Variants in OPCML observed in about 807,000 individuals in gnomAD.
The protein encoded by OPCML is opioid binding protein/cell adhesion molecule like.
In OPCML, 13 loss-of-function variants were observed where a neutral mutation model predicts 37.8. The ratio of observed to expected loss-of-function variants is 0.34; its 90% CI spans 0.22 to 0.55. The LOEUF (loss-of-function observed/expected upper bound fraction) is 0.55. OPCML is among the 20% of genes least tolerant of loss of function. The pLI is 0.91. For synonymous variants in OPCML, 176 were observed against 168.8 expected (o/e 1.04, Z -0.33); for missense variants, 341 against 435.6 (o/e 0.78, Z 1.93).
rs369363447 is a variant in OPCML, at chr11:132,701,903, C to T, written c.147-44584G>A. 5.5e-4 allele frequency among the ~76,000 whole-genome samples: 84 copies of T among 151,918 alleles called. 1 individual carries two copies. Among genetic ancestry groups the T allele is most frequent in the African/African-American group, 1.9e-3 (78 of 41,430 alleles). On this transcript the variant is annotated intron_variant, in intron 2 of 7. Coordinates refer to ENST00000524381, the MANE Select transcript of OPCML (RefSeq NM_001012393.5). ...ACATCAAAACATCTTGTAGTTATAA[C>T]CGTCTACTTTAAGCTGATAAATCTT...
At chr11:133,072,457 A>G (rs1437902486) in intron 1 of OPCML, among the ~76,000 whole-genome samples, 1 of 152,254 alleles carries the variant, frequency 6.6e-6, no homozygotes. Flanking sequence ...TAGAAAATCT[A>G]GATATGGTTA....
intron 1 of OPCML, among the ~76,000 whole-genome samples, chr11:133,377,612 G>GAACAAAAAAAAAA (rs1944837069): frequency 1.3e-5 from 1 of 79,088 alleles, no homozygotes; most frequent in Non-Finnish European, 2.3e-5. Flanking sequence ...CCAGTATTCA[G>GAACAAAAAAAAAA]AAAAAAAAAA....
chr11:133,037,185 A>C (rs1947798338), intron 1 of OPCML, among the ~76,000 whole-genome samples: 1 of 152,168 alleles, frequency 6.6e-6, no homozygotes, highest in Non-Finnish European at 1.5e-5. Context: ...AAAAGACAAG[A>C]CTTATTTGGG....
At position 132,420,056 on chromosome 11, in the gene OPCML, A is replaced by G. The variant is rs1035062082; in HGVS notation, c.*137T>C. 7.1e-6 allele frequency: 5 copies of G among 702,762 alleles called. No individual in the cohort carries two copies. The highest frequency in any genetic ancestry group is 3.0e-5 in the Admixed American group (1 of 33,124). The allele number at this position is 702,762 out of a possible 1,614,324, so 43.5% of individuals were successfully genotyped here. A position where few individuals can be genotyped will look rare whatever the true frequency, so the allele number is the denominator to read the frequency against. On this transcript the variant is annotated 3_prime_UTR_variant, in exon 8 of 8. Coordinates refer to ENST00000524381, the MANE Select transcript of OPCML (RefSeq NM_001012393.5). ...GAAATAAAAGCAAACAAACAAATAAACAAAAACAAAAAGAAAACAAATCTA... is the reference window on the plus strand; with the variant it reads ...GAAATAAAAGCAAACAAACAAATAAGCAAAAACAAAAAGAAAACAAATCTA...
intron 1 of OPCML, among the ~76,000 whole-genome samples, chr11:132,950,507 G>T (rs1217572335): frequency 6.6e-6 from 1 of 152,206 alleles, no homozygotes; most frequent in Non-Finnish European, 1.5e-5. Flanking sequence ...ATTAAGTTGT[G>T]AAGCTATCAC....
At chr11:133,038,252 A>G (rs988763302) in intron 1 of OPCML, among the ~76,000 whole-genome samples, 53 of 152,294 alleles carry the variant, frequency 3.5e-4, no homozygotes, top group African/African-American at 1.3e-3. Flanking sequence ...TTTGGTCCCA[A>G]TCAGCTCCTG....
At chr11:132,816,052 G>A (rs937288063) in intron 2 of OPCML, among the ~76,000 whole-genome samples, 24 of 152,184 alleles carry the variant, frequency 1.6e-4, no homozygotes, top group African/African-American at 5.8e-4. Context: ...AAAGTGGCAA[G>A]GGCAAGTTGG....
chr11:133,412,916 A>C (rs1276105902), intron 1 of OPCML, among the ~76,000 whole-genome samples: 1 of 152,202 alleles, frequency 6.6e-6, no homozygotes, highest in Non-Finnish European at 1.5e-5. Flanking sequence ...TATCTCCCTT[A>C]GATGCTTAAA....
chr11:133,190,712 T>C (rs1340816300), intron 1 of OPCML, among the ~76,000 whole-genome samples: 2 of 152,210 alleles, frequency 1.3e-5, no homozygotes, highest in South Asian at 4.1e-4. Context: ...TCTGGACTTT[T>C]TGTATAAATA....
At chr11:133,259,186 C>G (rs1474099181) in intron 1 of OPCML, among the ~76,000 whole-genome samples, 1 of 152,088 alleles carries the variant, frequency 6.6e-6, no homozygotes, top group Non-Finnish European at 1.5e-5. Context: ...GTTCCAGAGA[C>G]AGGAAAAGGA....
intron 2 of OPCML, among the ~76,000 whole-genome samples, chr11:132,751,081 A>G (rs537579099): frequency 6.6e-6 from 1 of 152,334 alleles, no homozygotes; most frequent in Non-Finnish European, 1.5e-5. Context: ...GAACAAGAAC[A>G]GGTTTGTTCA....
At chr11:133,103,884 T>C (rs1463776577) in intron 1 of OPCML, among the ~76,000 whole-genome samples, 1 of 152,240 alleles carries the variant, frequency 6.6e-6, no homozygotes, top group Non-Finnish European at 1.5e-5. Flanking sequence ...TTTCTCCCCA[T>C]GCTCCGAAAT....
intron 1 of OPCML, among the ~76,000 whole-genome samples, chr11:133,290,306 G>A (rs1252573441): frequency 2.0e-5 from 3 of 152,162 alleles, no homozygotes; most frequent in Non-Finnish European, 4.4e-5. Flanking sequence ...GCAGGCAAAT[G>A]CTAGATTAGA....
intron 1 of OPCML, among the ~76,000 whole-genome samples, chr11:133,217,743 C>G (rs1365217780): frequency 2.6e-5 from 4 of 152,126 alleles, no homozygotes; most frequent in African/African-American, 9.7e-5. Flanking sequence ...CATTCAATAC[C>G]AGGTTCCTGC....
At chr11:133,313,036 C>G (rs1943103499) in intron 1 of OPCML, among the ~76,000 whole-genome samples, 1 of 152,182 alleles carries the variant, frequency 6.6e-6, no homozygotes, top group Non-Finnish European at 1.5e-5. Context: ...ATAGTGACTT[C>G]CGTGCATGGA....
intron 1 of OPCML, among the ~76,000 whole-genome samples, chr11:133,213,975 A>T (rs56050025): frequency 0.034 from 5,194 of 152,240 alleles, 301 homozygotes; most frequent in African/African-American, 0.12. Flanking sequence ...TTTTTAGATC[A>T]TCAGATGTAT....
chr11:132,801,323 A>G (rs1316217955), intron 2 of OPCML, among the ~76,000 whole-genome samples: 1 of 152,198 alleles, frequency 6.6e-6, no homozygotes, highest in African/African-American at 2.4e-5. Flanking sequence ...ATATTTTTAA[A>G]GAACCAATTG....
In OPCML at chr11:133,409,628, C is replaced by A. The variant is rs966251429; in HGVS notation, c.61+122636G>T. On this transcript the variant is annotated intron_variant, in intron 1 of 7. Coordinates refer to ENST00000524381, the MANE Select transcript of OPCML (RefSeq NM_001012393.5). ...AGCTGTGACTATTCCCAATTCATAGCTGATGAAACTGAGATTTGGACCAAA... is the reference window on the plus strand; with the variant it reads ...AGCTGTGACTATTCCCAATTCATAGATGATGAAACTGAGATTTGGACCAAA... Among the ~76,000 whole-genome samples the A allele has an allele frequency of 3.1e-4, 47 of 152,290 alleles. 1 individual carries two copies. The highest frequency in any genetic ancestry group is 1.1e-3 in the African/African-American group (44 of 41,566).
intron 1 of OPCML, among the ~76,000 whole-genome samples, chr11:133,114,960 C>T (rs2137101655): frequency 6.6e-6 from 1 of 152,274 alleles, no homozygotes; most frequent in South Asian, 2.1e-4. Flanking sequence ...AAATTTCTTT[C>T]AGTTCTATCT....
Sources: allele counts gnomAD v4.1 joint callset (sites outside exome capture counted in the v4.1 genomes callset), GRCh38; gene constraint gnomAD v4.1.1; transcripts MANE v1.5; gene names NCBI Gene and HGNC (gene_info 2026-07-23, HGNC 2026-07-21).